Variants in CATSPER3 observed in about 807,000 individuals in gnomAD.
CATSPER3 encodes the protein cation channel sperm associated 3.
Under a neutral mutation model 36.6 loss-of-function variants are expected in CATSPER3, and 23 were observed. The observed-to-expected ratio is 0.63, with a 90% confidence interval of 0.45 to 0.89. The LOEUF is 0.89. Ranked by LOEUF, CATSPER3 falls within the 40% of genes least tolerant of loss-of-function variation. The pLI, the probability that CATSPER3 is intolerant of heterozygous loss-of-function variation, is 0.00. For synonymous variants in CATSPER3, 172 were observed against 184.1 expected, an observed-to-expected ratio of 0.93 and a Z score of 0.53; for missense variants, 474 against 503.9, an observed-to-expected ratio of 0.94 and a Z score of 0.57.
rs1752140834 is a variant in CATSPER3, at chr5:135,008,909, C to T, written c.744C>T (p.Thr248=). Residue 248 remains threonine, a synonymous_variant, in exon 5 of 8, where the codon ACC becomes ACT. Transcript: ENST00000282611. ...AATTTGCTTTGAGCCGGGCATTCAC[C>T]ATCATCTTCATCTTGCTCGCCTCTT... The part of the protein sequence containing the change: ...NREFALSRAF[T]IIFILLASFI... 4.3e-6 allele frequency: 7 copies of T among 1,613,996 alleles called. No individual in the cohort carries two copies. In the Admixed American group the frequency reaches 6.7e-5, roughly 15 times the overall value.
chr5:135,003,911 G>A (rs1225547188), intron 3 of CATSPER3, among the ~76,000 whole-genome samples: 1 of 152,178 alleles, frequency 6.6e-6, no homozygotes, highest in Non-Finnish European at 1.5e-5. Context: ...TGGGTGAGGC[G>A]ATGCCTCGCC....
chr5:134,992,647 C>A (rs938783012), intron 2 of CATSPER3, among the ~76,000 whole-genome samples: 5 of 152,052 alleles, frequency 3.3e-5, no homozygotes, highest in African/African-American at 1.2e-4. Flanking sequence ...ATCACTTGAA[C>A]CTGGGAGGCA....
At chr5:134,991,070 T>G (rs1351048284) in intron 2 of CATSPER3, among the ~76,000 whole-genome samples, 2 of 152,114 alleles carry the variant, frequency 1.3e-5, no homozygotes, top group East Asian at 3.9e-4. Flanking sequence ...ATAAAATACC[T>G]AGGAAAAAAT....
chr5:135,001,661 A>G (rs1300246088), intron 3 of CATSPER3, among the ~76,000 whole-genome samples: 2 of 152,142 alleles, frequency 1.3e-5, no homozygotes, highest in African/African-American at 2.4e-5. Flanking sequence ...TTGGGTGCAT[A>G]TATATTTAGG....
At chr5:135,005,103 A>G (rs1752068749) in intron 3 of CATSPER3, among the ~76,000 whole-genome samples, 1 of 152,182 alleles carries the variant, frequency 6.6e-6, no homozygotes, top group African/African-American at 2.4e-5. Context: ...GAGGGCTTCC[A>G]TCTTGGAAGA....
intron 3 of CATSPER3, 32 bp from the exon 4 acceptor site, chr5:135,007,925 C>T: frequency 6.2e-7 from 1 of 1,600,104 alleles, no homozygotes; most frequent in East Asian, 2.2e-5. Flanking sequence ...CTTGGTGGTA[C>T]CCTCGCCTAC....
At chr5:134,980,953 CAA>C (rs1751742700) in intron 2 of CATSPER3, among the ~76,000 whole-genome samples, 1 of 152,178 alleles carries the variant, frequency 6.6e-6, no homozygotes, top group Non-Finnish European at 1.5e-5. Flanking sequence ...CTCCTGGCCT[CAA>C]GAGATTCTCC....
chr5:134,989,341 C>T (rs1751852022), intron 2 of CATSPER3, among the ~76,000 whole-genome samples: 1 of 152,160 alleles, frequency 6.6e-6, no homozygotes, highest in South Asian at 2.1e-4. Context: ...TGAAGCCAGG[C>T]CTTACTTTTC....
At chr5:134,984,807 A>G (rs1241228840) in intron 2 of CATSPER3, among the ~76,000 whole-genome samples, 3 of 148,620 alleles carry the variant, frequency 2.0e-5, no homozygotes, top group Non-Finnish European at 4.4e-5. Flanking sequence ...ACTATATCAG[A>G]CACCTGCATG....
rs756008754 is a variant in CATSPER3, at chr5:134,970,107, T to G, written c.252+15T>G. ...GACTTCTTGAGGTAAGCAGACAAAA[T>G]GGGTCCATTTTCTTCTTTTTTTAAA... On this transcript the variant is annotated intron_variant, in intron 2 of 7. Transcript: ENST00000282611. 1.2e-6 allele frequency: 2 copies of G among 1,612,496 alleles called. No homozygotes were observed. The highest frequency in any genetic ancestry group is 1.7e-6 in the Non-Finnish European group (2 of 1,178,818).
chr5:135,006,027 C>G (rs576442937), intron 3 of CATSPER3, among the ~76,000 whole-genome samples: 1 of 152,132 alleles, frequency 6.6e-6, no homozygotes, highest in Non-Finnish European at 1.5e-5. Context: ...ATTGCCCCCC[C>G]AAAAGAATTT....
chr5:134,969,949 G>T lies in CATSPER3; in HGVS notation c.109G>T (p.Asp37Tyr). 1 of 1,614,120 alleles carries T rather than the reference G, an allele frequency of 6.2e-7. No individual in the cohort carries two copies. The highest frequency in any genetic ancestry group is 1.1e-5 in the South Asian group (1 of 91,076). The change falls in exon 2 of 8, where the codon GAT becomes TAT. Residue 37 changes from aspartate (D) to tyrosine (Y), a missense_variant. Physicochemically the swap from Asp to Tyr is radical, Grantham distance 160 (BLOSUM62 -3). Transcript: ENST00000282611. ...PTFKKFKRND[D>Y]ECRAFVKRVI... ...TCAACTTTTTGACAGGAGGAACGAT[G>T]ATGAATGTCGGGCATTTGTGAAGAG...
intron 2 of CATSPER3, among the ~76,000 whole-genome samples, chr5:134,987,209 T>G (rs911117733): frequency 2.0e-5 from 3 of 152,214 alleles, no homozygotes; most frequent in African/African-American, 7.2e-5. Context: ...AAAAGGGTTA[T>G]AGGAGAATAC....
At chr5:134,991,735 G>A (rs111997203) in intron 2 of CATSPER3, among the ~76,000 whole-genome samples, 1,728 of 152,202 alleles carry the variant, frequency 0.011, 28 homozygotes, top group African/African-American at 0.038. Context: ...TTTGGTAATG[G>A]ATTCTTACAC....
chr5:134,988,787 G>A (rs1390699992), intron 2 of CATSPER3, among the ~76,000 whole-genome samples: 1 of 152,004 alleles, frequency 6.6e-6, no homozygotes, highest in Non-Finnish European at 1.5e-5. Context: ...TCCTGTTCAT[G>A]TTGATATTTT....
intron 2 of CATSPER3, among the ~76,000 whole-genome samples, chr5:134,970,521 T>C (rs1479825706): frequency 6.6e-6 from 1 of 151,680 alleles, no homozygotes; most frequent in Non-Finnish European, 1.5e-5. Context: ...AAAAATACTC[T>C]AAAATCTGGG....
chr5:134,970,763 G>A (rs1580900824), intron 2 of CATSPER3, among the ~76,000 whole-genome samples: 2 of 151,826 alleles, frequency 1.3e-5, no homozygotes, highest in East Asian at 3.9e-4. Context: ...GTAGAGATAG[G>A]GTCTTGCCAT....
Position 135,008,227 on chromosome 5 carries a change from C to T in CATSPER3, c.675+88C>T, listed in dbSNP as rs184945355. 291 of 1,105,034 alleles carry T rather than the reference C, an allele frequency of 2.6e-4. No individual in the cohort carries two copies. In the East Asian group the frequency reaches 6.5e-3, roughly 25 times the overall value. The allele number at this position is 1,105,034 out of a possible 1,614,324, so 68.5% of individuals were successfully genotyped here. On this transcript the variant is annotated intron_variant, in intron 4 of 7. Transcript: ENST00000282611. The stretch of plus-strand genomic sequence containing the variant: ...AAGCGTGTGGACATGTGGGGCCTCA[C>T]ATGGGGCTTTCCTCATGTCCAGGTA...
intron 2 of CATSPER3, among the ~76,000 whole-genome samples, chr5:134,991,448 T>C (rs955207774): frequency 6.6e-6 from 1 of 152,238 alleles, no homozygotes; most frequent in African/African-American, 2.4e-5. Flanking sequence ...GATAGACATA[T>C]AGACCAAGGG....
Sources: gnomAD v4.1 joint callset for allele counts (sites outside exome capture counted in the v4.1 genomes callset) on GRCh38, gnomAD v4.1.1 for gene constraint, MANE v1.5 for transcripts, NCBI Gene and HGNC (gene_info 2026-07-23, HGNC 2026-07-21) for gene names.